Variants in FLNB observed in about 807,000 individuals in gnomAD.
FLNB encodes the protein filamin-B.
Under a neutral mutation model 250.6 loss-of-function variants are expected in FLNB, and 111 were observed. The ratio of observed to expected loss-of-function variants is 0.44; its 90% CI spans 0.38 to 0.52. The LOEUF (loss-of-function observed/expected upper bound fraction) is 0.52, where lower values mean the gene tolerates loss of function less well. Ranked by LOEUF, FLNB falls within the 20% of genes least tolerant of loss-of-function variation. The probability of loss-of-function intolerance (pLI) is 0.00; values close to 1 mark genes in which losing one functional copy is unlikely to be tolerated. For synonymous variants in FLNB, 1,302 were observed against 1,372.1 expected, an observed-to-expected ratio of 0.95 and a Z score of 1.13; for missense variants, 2,869 against 3,447.8, an observed-to-expected ratio of 0.83 and a Z score of 4.20.
chr3:58,125,545 A>T, intron 22 of FLNB, 36 bp from the exon 23 acceptor site: 8 of 1,610,520 alleles, frequency 5.0e-6, no homozygotes, highest in Non-Finnish European at 6.8e-6. Context: ...GGGGATTTGT[A>T]TGCAAATATG....
intron 1 of FLNB, among the ~76,000 whole-genome samples, chr3:58,058,267 G>A (rs920885690): frequency 1.3e-5 from 2 of 152,150 alleles, no homozygotes; most frequent in Non-Finnish European, 2.9e-5. Flanking sequence ...GAAGTTTAGA[G>A]TGAAGCGGCA....
chr3:58,052,836 G>A (rs1041575186), intron 1 of FLNB, among the ~76,000 whole-genome samples: 1 of 152,164 alleles, frequency 6.6e-6, no homozygotes, highest in African/African-American at 2.4e-5. Context: ...TGCCCTGTCC[G>A]GATTTAAAGC....
intron 36 of FLNB, chr3:58,149,187 T>C: frequency 2.7e-6 from 1 of 372,432 alleles, no homozygotes. Flanking sequence ...AAGCAAAGAA[T>C]GTTGGGTTGA....
intron 2 of FLNB, chr3:58,078,106 G>T (rs997952499): frequency 1.0e-5 from 2 of 200,004 alleles, no homozygotes; most frequent in African/African-American, 4.7e-5. Flanking sequence ...AGGGCTGAAG[G>T]CCTCATTCTT....
chr3:58,120,463 A>C (rs1210405436), intron 19 of FLNB, among the ~76,000 whole-genome samples: 1 of 152,220 alleles, frequency 6.6e-6, no homozygotes, highest in Non-Finnish European at 1.5e-5. Context: ...GGGTTGTGGC[A>C]GGGGCCCTGT....
chr3:58,081,187 A>G (rs1356426405), intron 3 of FLNB, among the ~76,000 whole-genome samples: 1 of 152,124 alleles, frequency 6.6e-6, no homozygotes, highest in African/African-American at 2.4e-5. Flanking sequence ...TAATTAGTAG[A>G]GTTAATACAG....
chr3:58,039,491 T>A (rs971967173), intron 1 of FLNB, among the ~76,000 whole-genome samples: 1 of 152,144 alleles, frequency 6.6e-6, no homozygotes, highest in African/African-American at 2.4e-5. Context: ...CAGGGGCTAG[T>A]CTGACTGGGG....
chr3:58,101,405 A>G (rs2097251043), intron 8 of FLNB, among the ~76,000 whole-genome samples: 1 of 152,194 alleles, frequency 6.6e-6, no homozygotes, highest in Non-Finnish European at 1.5e-5. Flanking sequence ...TGGGCAGAAG[A>G]TTTATTCTAG....
chr3:58,059,127 G>A (rs1576648267), intron 1 of FLNB, among the ~76,000 whole-genome samples: 1 of 152,124 alleles, frequency 6.6e-6, no homozygotes, highest in African/African-American at 2.4e-5. Context: ...GCCCCCAGTT[G>A]TTTGGCCACT....
In FLNB at chr3:58,046,907, C is replaced by T. The variant is rs1383395958; in HGVS notation, c.293-30139C>T. Among the ~76,000 whole-genome samples the T allele has an allele frequency of 6.6e-5, 10 of 152,314 alleles. No individual in the cohort carries two copies. The East Asian group carries it at 1.9e-3, about 29-fold the overall frequency. On this transcript the variant is annotated intron_variant, in intron 1 of 45. Transcript: ENST00000295956. ...CATACACGTGTTCTGGTGTTACTGA[C>T]TTCTTTCACTTAGCAGAATGTTTTC...
chr3:58,095,910 C>T (rs2097237614), intron 5 of FLNB, among the ~76,000 whole-genome samples: 1 of 152,166 alleles, frequency 6.6e-6, no homozygotes, highest in Non-Finnish European at 1.5e-5. Flanking sequence ...AGAGTGCCAG[C>T]CTGACACTGG....
chr3:58,130,904 A>G lies in FLNB; in HGVS notation c.4386A>G (p.Pro1462=), dbSNP rs775782873. ...LAPLEVRVLG[P]RGLVEPVNVV... ...CGCTGGAAGTGAGGGTTCTGGGCCCACGAGGTAAGTGTGCACCCTGCCTTC... is the reference window on the plus strand; with the variant it reads ...CGCTGGAAGTGAGGGTTCTGGGCCCGCGAGGTAAGTGTGCACCCTGCCTTC... The change falls in exon 25 of 46, where the codon CCA becomes CCG. Residue 1462 remains proline (P), a synonymous_variant. Transcript: ENST00000295956. 1.2e-6 allele frequency: 2 copies of G among 1,610,616 alleles called. No individual in the cohort carries two copies. The highest frequency in any genetic ancestry group is 1.7e-6 in the Non-Finnish European group (2 of 1,178,906).
chr3:58,135,007 A>T (rs192655325), intron 27 of FLNB, among the ~76,000 whole-genome samples: 1 of 152,060 alleles, frequency 6.6e-6, no homozygotes, highest in African/African-American at 2.4e-5. Flanking sequence ...TACTACATCT[A>T]TTCCTATGTT....
rs112676349 is a variant in FLNB at position 58,136,493 on chromosome 3, G to A, written c.4861+325G>A. 3.3e-5 allele frequency among the ~76,000 whole-genome samples: 5 copies of A among 152,096 alleles called. No homozygotes were observed. In the East Asian group the frequency reaches 5.8e-4, roughly 18 times the overall value. On this transcript the variant is annotated intron_variant, in intron 28 of 45. Coordinates refer to ENST00000295956, the MANE Select transcript of FLNB (RefSeq NM_001457.4). ...ATGTTGAGAACCCAACTCTGATGGC[G>A]GCTCCCATGAAAAGCAGCACATTTC... is the stretch of plus-strand genomic sequence containing the variant.
chr3:58,156,578 G>A (rs1396427884), intron 41 of FLNB, among the ~76,000 whole-genome samples: 2 of 152,150 alleles, frequency 1.3e-5, no homozygotes, highest in Non-Finnish European at 2.9e-5. Flanking sequence ...TGACAAGTAG[G>A]TTCTCTTGAC....
At chr3:58,030,096 A>G (rs150470693) in intron 1 of FLNB, among the ~76,000 whole-genome samples, 1 of 152,178 alleles carries the variant, frequency 6.6e-6, no homozygotes. Flanking sequence ...GGCAAAGGAG[A>G]TATCAGGTTT....
At chr3:58,035,468 A>G (rs1314606704) in intron 1 of FLNB, among the ~76,000 whole-genome samples, 4 of 152,188 alleles carry the variant, frequency 2.6e-5, no homozygotes. Context: ...AGGGGGCAGA[A>G]TGGTGGTTTA....
chr3:58,087,547 G>T (rs971834831), intron 4 of FLNB, among the ~76,000 whole-genome samples: 1 of 151,912 alleles, frequency 6.6e-6, no homozygotes, highest in African/African-American at 2.4e-5. Flanking sequence ...TCTGCTGCCC[G>T]GGTTCAAGCG....
rs1045231112 is a variant in FLNB at position 58,110,171 on chromosome 3, G to A, written c.2484+1G>A. The A allele has an allele frequency of 6.2e-7, 1 of 1,614,208 alleles. No homozygotes were observed. Among genetic ancestry groups the A allele is most frequent in the Non-Finnish European group, 8.5e-7 (1 of 1,180,034 alleles). On this transcript the variant is annotated splice_donor_variant, in intron 16 of 45. Coordinates refer to ENST00000295956, the MANE Select transcript of FLNB (RefSeq NM_001457.4). LOFTEE classifies it high-confidence loss of function. ...TATCAAAGTTCTCTTTGCATCTCAG[G>A]TACGTGGTGGGGCCTGGGAGGAGAT...
Sources: gnomAD v4.1 joint callset for allele counts (sites outside exome capture counted in the v4.1 genomes callset) on GRCh38, gnomAD v4.1.1 for gene constraint, MANE v1.5 for transcripts, NCBI Gene and HGNC (gene_info 2026-07-23, HGNC 2026-07-21) for gene names.